Variants in ZNF850 observed in about 807,000 individuals in gnomAD.
The protein encoded by ZNF850 is putative zinc finger protein ENSP00000330994.
In ZNF850, 2 loss-of-function variants were observed where a neutral mutation model predicts 11.9. That is an observed-to-expected ratio of 0.17 (90% CI 0.07 to 0.53). ZNF850 has a LOEUF of 0.53. Among genes scored for constraint, ZNF850 ranks in the 20% least tolerant of loss-of-function variants. ZNF850 has a pLI of 0.94. For synonymous variants in ZNF850, 381 were observed against 443.0 expected, an observed-to-expected ratio of 0.86 and a Z score of 1.76; for missense variants, 1,014 against 1,316.4, an observed-to-expected ratio of 0.77 and a Z score of 3.55.
chr19:36,755,692 TAAA>T (rs1301967573), intron 4 of ZNF850, among the ~76,000 whole-genome samples: 1 of 105,488 alleles, frequency 9.5e-6, no homozygotes, highest in East Asian at 2.6e-4. Context: ...CACTTCGCAA[TAAA>T]AAAAAAAAAC....
At chr19:36,755,297 G>A (rs901333398) in intron 4 of ZNF850, among the ~76,000 whole-genome samples, 2 of 152,016 alleles carry the variant, frequency 1.3e-5, no homozygotes, top group Non-Finnish European at 2.9e-5. Flanking sequence ...GTGCAATCTC[G>A]GCTCACTGCA....
chr19:36,761,635 T>G lies in ZNF850; in HGVS notation c.235+8A>C, dbSNP rs746659235. On this transcript the variant is annotated splice_region_variant and intron_variant, in intron 4 of 4. Transcript: ENST00000591344. ...AGTGTCTTCCCCATGTGCTCAGTCCTTACTCACCTCGGCACCATCCTCCCA... is the reference window on the plus strand; with the variant it reads ...AGTGTCTTCCCCATGTGCTCAGTCCGTACTCACCTCGGCACCATCCTCCCA... 1.3e-6 allele frequency: 2 copies of G among 1,518,458 alleles called. No individual in the cohort carries two copies. Among genetic ancestry groups the G allele is most frequent in the South Asian group, 1.2e-5 (1 of 83,936 alleles). 94.1% of individuals were successfully genotyped at this position (1,518,458 alleles called of 1,614,324 possible).
chr19:36,762,447 C>T lies in ZNF850; in HGVS notation c.13-16G>A. On this transcript the variant is annotated splice_polypyrimidine_tract_variant and intron_variant, in intron 2 of 4. Coordinates refer to ENST00000591344, the MANE Select transcript of ZNF850 (RefSeq NM_001193552.2). ...TGACCAACCCCTGAAATGACAAACC[C>T]ATGCAGCGCTGTTGAAATTAAAGGA... 2 of 1,545,788 alleles carry T rather than the reference C, an allele frequency of 1.3e-6. No individual in the cohort carries two copies. The highest frequency in any genetic ancestry group is 1.7e-6 in the Non-Finnish European group (2 of 1,152,712).
At chr19:36,757,620 C>T (rs1402090172) in intron 4 of ZNF850, among the ~76,000 whole-genome samples, 1 of 150,598 alleles carries the variant, frequency 6.6e-6, no homozygotes, top group Non-Finnish European at 1.5e-5. Context: ...GATTCTCCAT[C>T]CTCAGCCTCA....
rs922003552 is a variant in ZNF850 at position 36,761,683 on chromosome 19, G to A, written c.195C>T (p.Pro65=). The A allele has an allele frequency of 2.6e-6, 4 of 1,562,074 alleles. No homozygotes were observed. Among genetic ancestry groups the A allele is most frequent in the South Asian group, 1.2e-5 (1 of 86,372 alleles). Residue 65 remains proline (P), a synonymous_variant, in exon 4 of 5, where the codon CCC becomes CCT. Transcript: ENST00000591344. ...VISLLEQGKE[P]WMVSRDVLGG... ...CCAGCACGTCCCTTGAAACCATCCAGGGCTCTTTCCCTTGCTCCAGTAAGG... is the reference window on the plus strand; with the variant it reads ...CCAGCACGTCCCTTGAAACCATCCAAGGCTCTTTCCCTTGCTCCAGTAAGG...
chr19:36,771,820 A>G (rs914859533), intron 1 of ZNF850, among the ~76,000 whole-genome samples: 1 of 152,122 alleles, frequency 6.6e-6, no homozygotes, highest in African/African-American at 2.4e-5. Context: ...ATCCTTCCCA[A>G]CCGCCTGACT....
chr19:36,772,399 C>G (rs1384989240), intron 1 of ZNF850, among the ~76,000 whole-genome samples: 6 of 152,212 alleles, frequency 3.9e-5, no homozygotes, highest in Non-Finnish European at 8.8e-5. Context: ...AGGGGCCACA[C>G]AAGTTGCACT....
intron 1 of ZNF850, among the ~76,000 whole-genome samples, chr19:36,769,285 A>G (rs1306811959): frequency 1.5e-4 from 6 of 39,228 alleles, no homozygotes; most frequent in African/African-American, 7.5e-4. Context: ...AAAAAGAAAG[A>G]AAGAAAGAAA....
At position 36,761,740 on chromosome 19, in the gene ZNF850, T is replaced by C; in HGVS notation, c.140-2A>G. 2 of 1,512,624 alleles carry C rather than the reference T, an allele frequency of 1.3e-6. No individual in the cohort carries two copies. The highest frequency in any genetic ancestry group is 1.8e-6 in the Non-Finnish European group (2 of 1,122,758). The allele number at this position is 1,512,624 out of a possible 1,614,324, so 93.7% of individuals were successfully genotyped here. A position where few individuals can be genotyped will look rare whatever the true frequency, so the allele number is the denominator to read the frequency against. On this transcript the variant is annotated splice_acceptor_variant, in intron 3 of 4. Coordinates refer to ENST00000591344, the MANE Select transcript of ZNF850 (RefSeq NM_001193552.2). LOFTEE classifies it high-confidence loss of function. ...CATCAGGCTTTGGGATAGAGAGACC[T>C]GTTTATAAGAAAAGAAGTAAGATAG...
chr19:36,753,086 A>G (rs914222805), intron 4 of ZNF850, among the ~76,000 whole-genome samples: 8 of 151,914 alleles, frequency 5.3e-5, no homozygotes, highest in African/African-American at 1.9e-4. Flanking sequence ...CCTGGTCAAC[A>G]TGACAAAACC....
At chr19:36,770,921 A>G (rs35313661) in intron 1 of ZNF850, among the ~76,000 whole-genome samples, 35,283 of 151,862 alleles carry the variant, frequency 0.23, 4,182 homozygotes, top group South Asian at 0.38. Flanking sequence ...ATTGGTACAA[A>G]CTATTGATCG....
In ZNF850 at chr19:36,749,454, C is replaced by T; in HGVS notation, c.1586G>A (p.Gly529Asp). 6.4e-7 allele frequency: 1 copy of T among 1,551,168 alleles called. No individual in the cohort carries two copies. The highest frequency in any genetic ancestry group is 1.2e-5 in the South Asian group (1 of 84,942). The change falls in exon 5 of 5, where the codon GGT becomes GAT. Residue 529 changes from glycine to aspartate, a missense_variant. Transcript: ENST00000591344. ...ALLQHQRIHT[G>D]EKPYHCKECG... ...TTCCTTACAATGATAGGGTTTCTCA[C>T]CAGTGTGAATTCGCTGATGTTGAAG...
In ZNF850 at chr19:36,748,551, T is replaced by G. The variant is rs536931247; in HGVS notation, c.2489A>C (p.Gln830Pro). ...KSFTLRSALI[Q>P]HRPVHTGEKR... ...CTCACCAGTGTGAACTGGCCGATGT[T>G]GAATTAGTGCTGAGCGAAGAGTAAA... Residue 830 changes from glutamine to proline, a missense_variant, in exon 5 of 5, where the codon CAA (glutamine) becomes CCA (proline). Physicochemically the swap from Gln to Pro is moderately conservative, Grantham distance 76. This residue lies in a region of ZNF850 where 835 missense variants were observed against 1,022.0 expected (regional missense o/e 0.82). Coordinates refer to ENST00000591344, the MANE Select transcript of ZNF850 (RefSeq NM_001193552.2). 352 of 1,537,342 alleles carry G rather than the reference T, an allele frequency of 2.3e-4. No individual in the cohort carries two copies. The highest frequency in any genetic ancestry group is 2.9e-4 in the Non-Finnish European group (336 of 1,146,978).
intron 4 of ZNF850, among the ~76,000 whole-genome samples, chr19:36,756,836 G>A (rs768134953): frequency 1.3e-5 from 2 of 151,906 alleles, no homozygotes; most frequent in Admixed American, 1.3e-4. Context: ...GGCTGGTGTC[G>A]AACTCCTGAC....
Position 36,750,406 on chromosome 19 carries a change from G to T in ZNF850, c.634C>A (p.Leu212Ile). Residue 212 changes from leucine (L) to isoleucine (I), a missense_variant, in exon 5 of 5, where the codon CTT (leucine) becomes ATT (isoleucine). Leu to Ile is a conservative substitution (Grantham distance 5). Around this residue, in one of 2 missense-constraint regions of ZNF850, gnomAD observed 835 missense variants for 1,022.0 expected, o/e 0.82. Coordinates refer to ENST00000591344, the MANE Select transcript of ZNF850 (RefSeq NM_001193552.2). Reference sequence around the variant, plus strand: ...GTATGAATTCTCTGATGTTTAACAAGATAGGAAAAGTGATGAAAGGCCTTC... The same window carrying T: ...GTATGAATTCTCTGATGTTTAACAATATAGGAAAAGTGATGAAAGGCCTTC... ...CGKAFHHFSY[L>I]VKHQRIHTGE... is the part of the protein sequence containing the mutation. 1.3e-6 allele frequency: 2 copies of T among 1,536,570 alleles called. No homozygotes were observed. The highest frequency in any genetic ancestry group is 2.4e-5 in the South Asian group (2 of 84,060).
chr19:36,748,747 A>G lies in ZNF850; in HGVS notation c.2293T>C (p.Ser765Pro). The G allele has an allele frequency of 6.5e-7, 1 of 1,546,410 alleles. No individual in the cohort carries two copies. The highest frequency in any genetic ancestry group is 8.7e-7 in the Non-Finnish European group (1 of 1,151,060). The change falls in exon 5 of 5, where the codon TCT (serine) becomes CCT (proline). Residue 765 changes from serine (S) to proline (P), a missense_variant. By Grantham distance (74) the Ser-to-Pro change is moderately conservative. Transcript: ENST00000591344. ...KPYDCKECGK[S>P]FTSHSTLIQH... ...ATTAGTGTTGAGTGAGAAGTAAAAG[A>G]TTTCCCACATTCCTTACAATCATAG...
rs1160748586 is a variant in ZNF850, at chr19:36,747,955, G to A, written c.3085C>T (p.Arg1029Ter). 5 of 1,574,580 alleles carry A rather than the reference G, an allele frequency of 3.2e-6. No homozygotes were observed. Among genetic ancestry groups the A allele is most frequent in the East Asian group, 2.3e-5 (1 of 43,094 alleles). ...RCPSQLSQHK[R>*]IHTGEKTYQC... ...TAAGTTTTCTCACCAGTATGGATTCGTTTATGTTGACTAAGTTGTGAAGGA... is the reference window on the plus strand; with the variant it reads ...TAAGTTTTCTCACCAGTATGGATTCATTTATGTTGACTAAGTTGTGAAGGA... Residue 1029 changes from arginine to a stop codon, truncating the protein, a stop_gained, in exon 5 of 5, where the codon CGA (arginine) becomes TGA (stop). Transcript: ENST00000591344. LOFTEE classifies it low-confidence loss of function (END_TRUNC).
intron 1 of ZNF850, among the ~76,000 whole-genome samples, chr19:36,765,888 A>T (rs1227817): frequency 0.05 from 7,312 of 145,666 alleles, 575 homozygotes; most frequent in African/African-American, 0.17. Flanking sequence ...CCGGCCAATA[A>T]TTTTTTATTT....
At position 36,753,422 on chromosome 19, in the gene ZNF850, C is replaced by CAAAAAAAAAAAAAAAAAA. The variant is rs58851544; in HGVS notation, c.236-2636_236-2619dup. On this transcript the variant is annotated intron_variant, in intron 4 of 4. Transcript: ENST00000591344. ...TGGGCAACAGCCTGGGACACTGTCT[C>CAAAAAAAAAAAAAAAAAA]AAAAAAAAAAAAAAAAAAAAAAAAG... is the stretch of plus-strand genomic sequence containing the variant. 1.0e-3 allele frequency among the ~76,000 whole-genome samples: 48 copies of CAAAAAAAAAAAAAAAAAA among 46,650 alleles called. 12 individuals carry two copies. The highest frequency in any genetic ancestry group is 1.9e-3 in the Admixed American group (5 of 2,644). The allele number at this position is 46,650 out of a possible 152,430, so 30.6% of individuals were successfully genotyped here.
Sources: allele counts gnomAD v4.1 joint callset (sites outside exome capture counted in the v4.1 genomes callset), GRCh38; gene constraint gnomAD v4.1.1; regional missense constraint gnomAD v4.1.1; transcripts MANE v1.5; gene names NCBI Gene and HGNC (gene_info 2026-07-23, HGNC 2026-07-21).